The following UVSSA variants were observed in gnomAD, a reference collection of about 807,000 sequenced individuals.
UVSSA encodes UV stimulated scaffold protein A.
In UVSSA, 72 loss-of-function variants were observed where a neutral mutation model predicts 73.9. The ratio of observed to expected loss-of-function variants is 0.97; its 90% CI spans 0.81 to 1.19. The LOEUF is 1.19. Among genes scored for constraint, UVSSA ranks in the 50% most tolerant of loss-of-function variants. The probability of loss-of-function intolerance (pLI) is 0.00; values close to 1 mark genes in which losing one functional copy is unlikely to be tolerated. For synonymous variants in UVSSA, 454 were observed against 391.3 expected (o/e 1.16, Z -1.89); for missense variants, 1,150 against 965.0 (o/e 1.19, Z -2.54).
chr4:1,364,805 G>A (rs1362427573), intron 7 of UVSSA, among the ~76,000 whole-genome samples: 1 of 152,120 alleles, frequency 6.6e-6, no homozygotes, highest in Non-Finnish European at 1.5e-5. Context: ...TGGCCACCCT[G>A]GGGGCATGAC....
At chr4:1,364,279 G>T (rs1232069176) in intron 7 of UVSSA, among the ~76,000 whole-genome samples, 1 of 131,176 alleles carries the variant, frequency 7.6e-6, no homozygotes, top group Non-Finnish European at 1.6e-5. Flanking sequence ...TCCCGGCAGG[G>T]TGCTGGTGCC....
Position 1,349,621 on chromosome 4 carries a change from G to T in UVSSA, c.196G>T (p.Glu66Ter). ...CCGTCTCTCAGCCTTCCAGATTGTGGAGGAACTCTTCGTCAGGTCTCACCA... is the reference window on the plus strand; with the variant it reads ...CCGTCTCTCAGCCTTCCAGATTGTGTAGGAACTCTTCGTCAGGTCTCACCA... Reference protein sequence around the residue: ...EIRLSAFQIVEELFVRSHQFR... With the variant: ...EIRLSAFQIV Residue 66 changes from glutamate to a stop codon, truncating the protein, a stop_gained, in exon 3 of 14, where the codon GAG becomes TAG. Transcript: ENST00000389851. LOFTEE classifies it high-confidence loss of function. 2.5e-6 allele frequency: 4 copies of T among 1,614,110 alleles called. No individual in the cohort carries two copies. The highest frequency in any genetic ancestry group is 3.4e-6 in the Non-Finnish European group (4 of 1,180,010).
At position 1,394,838 on chromosome 4, in the gene UVSSA, G is replaced by A. The variant is rs553323873; in HGVS notation, c.*8877G>A. ...CCATGTGGAGTGCCCGCCTGCTCAC[G>A]TGCCCATGTGGAGTGCCCGCCTGCT... On this transcript the variant is annotated 3_prime_UTR_variant, in exon 14 of 14. Coordinates refer to the UVSSA transcript ENST00000511216. 97 of 1,098,662 alleles carry A rather than the reference G, an allele frequency of 8.8e-5. 1 individual carries two copies. The African/African-American group carries it at 1.1e-3, about 12-fold the overall frequency. 68.1% of individuals were successfully genotyped at this position (1,098,662 alleles called of 1,614,324 possible).
upstream of UVSSA, among the ~76,000 whole-genome samples, chr4:1,343,210 TC>T (rs1190868444): frequency 6.6e-6 from 1 of 152,146 alleles, no homozygotes; most frequent in Non-Finnish European, 1.5e-5. Context: ...AGGCCTCTCT[TC>T]CCGGCTTGCA....
In UVSSA at chr4:1,349,687, G is replaced by C; in HGVS notation, c.262G>C (p.Glu88Gln). ...TGTTTCCAACTTCCAGGAGTTCCTG[G>C]AGCTCACGCTGGGCACAGACCCCGC... is the stretch of plus-strand genomic sequence containing the variant. ...LVVSNFQEFL[E>Q]LTLGTDPAQP... The change falls in exon 3 of 14, where the codon GAG becomes CAG. Residue 88 changes from glutamate (E) to glutamine (Q), a missense_variant. Coordinates refer to ENST00000389851, the MANE Select transcript of UVSSA (RefSeq NM_020894.4). 1 of 1,614,016 alleles carries C rather than the reference G, an allele frequency of 6.2e-7. No individual in the cohort carries two copies. The highest frequency in any genetic ancestry group is 8.5e-7 in the Non-Finnish European group (1 of 1,179,984).
intron 3 of UVSSA, among the ~76,000 whole-genome samples, chr4:1,350,168 T>C (rs1458771803): frequency 1.3e-5 from 2 of 152,194 alleles, no homozygotes; most frequent in East Asian, 1.9e-4. Flanking sequence ...ATCCAACTTT[T>C]CAGATGCAAC....
rs2109264587 is a variant in UVSSA, at chr4:1,375,349, A to G, written c.1289-15A>G. 4 of 1,612,574 alleles carry G rather than the reference A, an allele frequency of 2.5e-6. No homozygotes were observed. Among genetic ancestry groups the G allele is most frequent in the East Asian group, 4.5e-5 (2 of 44,876 alleles). On this transcript the variant is annotated splice_polypyrimidine_tract_variant and intron_variant, in intron 8 of 13. Coordinates refer to ENST00000389851, the MANE Select transcript of UVSSA (RefSeq NM_020894.4). ...GTGGGAGTGGTGGCAGGGAGTGGAC[A>G]CGTGTCTGTTTCAGGGCTGGAGGCA...
chr4:1,362,816 G>C (rs952994352), intron 7 of UVSSA, among the ~76,000 whole-genome samples: 1 of 152,180 alleles, frequency 6.6e-6, no homozygotes, highest in Non-Finnish European at 1.5e-5. Context: ...GGCTCCGTGC[G>C]CTTCGAGGCC....
At position 1,395,116 on chromosome 4, in the gene UVSSA, C is replaced by T. The variant is rs148639884; in HGVS notation, c.*9155C>T. On this transcript the variant is annotated 3_prime_UTR_variant, in exon 14 of 14. Coordinates refer to the UVSSA transcript ENST00000511216. ...CATGTGGAGTGCTCGCCTGCTCACACGTGCCGATGTGGAGTGCCTGCCTGC... is the reference window on the plus strand; with the variant it reads ...CATGTGGAGTGCTCGCCTGCTCACATGTGCCGATGTGGAGTGCCTGCCTGC... 4.2e-4 allele frequency: 550 copies of T among 1,300,838 alleles called. 77 individuals are homozygous for T. The African/African-American group carries it at 7.7e-3, about 18-fold the overall frequency. 80.6% of individuals were successfully genotyped at this position (1,300,838 alleles called of 1,614,324 possible). A position where few individuals can be genotyped will look rare whatever the true frequency, so the allele number is the denominator to read the frequency against.
At chr4:1,385,838 C>T (rs1485276278) in intron 13 of UVSSA, 30 bp from the exon 14 acceptor site, 2 of 1,613,096 alleles carry the variant, frequency 1.2e-6, no homozygotes, top group East Asian at 2.2e-5. Flanking sequence ...GGAAGCCTCC[C>T]AGGTCACATC....
intron 7 of UVSSA, among the ~76,000 whole-genome samples, chr4:1,360,265 C>T (rs1716432259): frequency 6.6e-6 from 1 of 152,208 alleles, no homozygotes; most frequent in Admixed American, 6.5e-5. Context: ...GGGCCTTGTG[C>T]CAGCCCTCCC....
At chr4:1,366,203 C>T (rs1717301872) in intron 7 of UVSSA, 117 bp from the exon 8 acceptor site, 2 of 785,070 alleles carry the variant, frequency 2.5e-6, no homozygotes, top group Non-Finnish European at 4.2e-6. Flanking sequence ...GATGTTGGAG[C>T]CCTAAGCAGG....
intron 8 of UVSSA, among the ~76,000 whole-genome samples, chr4:1,371,923 C>T (rs1348533789): frequency 1.3e-5 from 2 of 152,230 alleles, no homozygotes; most frequent in Non-Finnish European, 2.9e-5. Context: ...TCCCTAACAG[C>T]CACTTCCCAA....
chr4:1,354,420 T>G, intron 5 of UVSSA: 2 of 357,772 alleles, frequency 5.6e-6, no homozygotes, highest in East Asian at 5.8e-5. Flanking sequence ...GTGCCCGGCG[T>G]GTGGGGGCGG....
At chr4:1,392,322 G>A (rs1415207193), downstream of UVSSA, 1 of 152,184 alleles carries the variant, frequency 6.6e-6, no homozygotes, top group African/African-American at 2.4e-5. Context: ...AAATCACATA[G>A]AAGAAGAAAA....
chr4:1,352,856 C>T (rs1013784314), intron 4 of UVSSA, among the ~76,000 whole-genome samples, 174 bp from the exon 5 acceptor site: 10 of 152,216 alleles, frequency 6.6e-5, no homozygotes, highest in African/African-American at 2.4e-4. Flanking sequence ...GAGGCGGCTG[C>T]ACTACCTGAG....
rs567561234 is a variant in UVSSA, at chr4:1,355,290, G to GT, written c.1176+46dup. Reference sequence around the variant, plus strand: ...GCGGGAAGGGGTCCCAGAGGCCTCAGTGGGGGAGGAGAAGCTGTGGGGGGG... The same window carrying GT: ...GCGGGAAGGGGTCCCAGAGGCCTCAGTTGGGGGAGGAGAAGCTGTGGGGGGG... On this transcript the variant is annotated intron_variant, in intron 7 of 13. Transcript: ENST00000389851. 9.3e-5 allele frequency: 144 copies of GT among 1,552,006 alleles called. No individual in the cohort carries two copies. In the East Asian group the frequency reaches 3.2e-3, roughly 35 times the overall value.
exon 14 of UVSSA, chr4:1,394,317 T>G: frequency 9.9e-7 from 1 of 1,014,098 alleles, no homozygotes; most frequent in Non-Finnish European, 1.4e-6. Context: ...CTTCTAAGTT[T>G]TGTGTTCTAC....
At chr4:1,345,644 CAAAAAAAAAAAAAAAAAA>C (rs71168831), upstream of UVSSA, among the ~76,000 whole-genome samples, 1 of 55,928 alleles carries the variant, frequency 1.8e-5, no homozygotes, top group Non-Finnish European at 2.9e-5. Context: ...GACTTTGTCT[CAAAAAAAAAAAAAAAAAA>C]AAAAAAAAAA....
Sources: allele counts gnomAD v4.1 joint callset (sites outside exome capture counted in the v4.1 genomes callset), GRCh38; gene constraint gnomAD v4.1.1; transcripts MANE v1.5; gene names NCBI Gene and HGNC (gene_info 2026-07-23, HGNC 2026-07-21).